Variants in KMT5A observed in about 807,000 individuals in gnomAD.
KMT5A encodes the protein N-lysine methyltransferase KMT5A.
A neutral mutation model predicts 40.6 loss-of-function variants in KMT5A; 6 were observed. The observed-to-expected ratio is 0.15, with a 90% CI of 0.08 to 0.29. KMT5A has a LOEUF of 0.29. Among genes scored for constraint, KMT5A ranks in the 10% least tolerant of loss-of-function variants. The probability of loss-of-function intolerance (pLI) is 1.00; values close to 1 mark genes in which losing one functional copy is unlikely to be tolerated. For synonymous variants in KMT5A, 153 were observed against 178.8 expected, an observed-to-expected ratio of 0.86 and a Z score of 1.15; for missense variants, 308 against 459.1, an observed-to-expected ratio of 0.67 and a Z score of 3.01.
chr12:123,391,847 C>T (rs754911126), intron 3 of KMT5A, among the ~76,000 whole-genome samples: 3 of 152,360 alleles, frequency 2.0e-5, no homozygotes, highest in East Asian at 3.9e-4. Context: ...GGCATGACCT[C>T]TGGGGCCGGA....
chr12:123,403,466 T>C, intron 5 of KMT5A, 107 bp from the exon 6 acceptor site: 1 of 1,208,192 alleles, frequency 8.3e-7, no homozygotes, highest in Non-Finnish European at 1.2e-6. Context: ...TGAGGCCGAT[T>C]GTGGCCCGGT....
intron 3 of KMT5A, among the ~76,000 whole-genome samples, chr12:123,393,586 C>T (rs1037816586): frequency 6.6e-6 from 1 of 152,138 alleles, no homozygotes; most frequent in African/African-American, 2.4e-5. Flanking sequence ...CTCACCCAGG[C>T]TGGAGTACAA....
At chr12:123,390,938 G>A in intron 3 of KMT5A, 152 bp downstream of exon 3, 1 of 918,804 alleles carries the variant, frequency 1.1e-6, no homozygotes, top group Non-Finnish European at 1.6e-6. Context: ...CTGAAAGAAT[G>A]GCTTGTCCCA....
At chr12:123,389,360 G>C (rs2139159255) in intron 1 of KMT5A, 73 bp from the exon 2 acceptor site, 1 of 957,598 alleles carries the variant, frequency 1.0e-6, no homozygotes, top group Non-Finnish European at 1.2e-6. Flanking sequence ...CGCCCGGCCC[G>C]GGCGGCCCCG....
rs1388456620 is a variant in KMT5A at position 123,395,086 on chromosome 12, A to G, written c.329A>G (p.Lys110Arg). The G allele has an allele frequency of 1.3e-6, 2 of 1,591,028 alleles. No individual in the cohort carries two copies. Among genetic ancestry groups the G allele is most frequent in the Non-Finnish European group, 1.7e-6 (2 of 1,168,626 alleles). ...GGGAACGCAGTACGGAGCGCCATGA[A>G]GTCCGAGGAACAGAAGATCAAAGAC... Reference protein sequence around the residue: ...NAGNAVRSAMKSEEQKIKDAR... With the variant: ...NAGNAVRSAMRSEEQKIKDAR... The change falls in exon 4 of 8, where the codon AAG becomes AGG. Residue 110 changes from lysine to arginine, a missense_variant. This residue lies in a region of KMT5A where 127 missense variants were observed against 129.8 expected (regional missense o/e 0.98). Coordinates refer to ENST00000402868, the MANE Select transcript of KMT5A (RefSeq NM_020382.7).
chr12:123,389,919 C>A, intron 2 of KMT5A: 1 of 378,392 alleles, frequency 2.6e-6, no homozygotes, highest in South Asian at 2.0e-5. Flanking sequence ...CGCCCTCCTC[C>A]GTCTGTACTT....
chr12:123,391,037 A>G, intron 3 of KMT5A: 1 of 460,992 alleles, frequency 2.2e-6, no homozygotes, highest in Non-Finnish European at 3.9e-6. Flanking sequence ...CTTAGTTGCA[A>G]AAATAACATA....
chr12:123,390,296 A>G, intron 2 of KMT5A: 1 of 382,728 alleles, frequency 2.6e-6, no homozygotes, highest in Non-Finnish European at 5.1e-6. Context: ...TCCTAAAGAT[A>G]GCCTAGCTCT....
chr12:123,398,618 C>T (rs1159074786), intron 5 of KMT5A, among the ~76,000 whole-genome samples: 2 of 152,234 alleles, frequency 1.3e-5, no homozygotes, highest in Admixed American at 6.5e-5. Flanking sequence ...GACCGGGAGC[C>T]GTGCTTTGCC....
chr12:123,397,495 CTT>C (rs909618165), intron 5 of KMT5A, among the ~76,000 whole-genome samples: 1 of 152,142 alleles, frequency 6.6e-6, no homozygotes, highest in African/African-American at 2.4e-5. Flanking sequence ...TATTCTTTCT[CTT>C]TTTCTTTTAA....
Position 123,404,896 on chromosome 12 carries a change from G to A in KMT5A, c.670G>A (p.Asp224Asn), listed in dbSNP as rs756109032. 6 of 1,612,420 alleles carry A rather than the reference G, an allele frequency of 3.7e-6. No individual in the cohort carries two copies. The highest frequency in any genetic ancestry group is 1.3e-5 in the African/African-American group (1 of 74,872). ...TATCACCTGACAGATTGACCTCATC[G>A]ATGGCAAAGGCAGGGGTGTGATTGC... ...KEEGMKIDLI[D>N]GKGRGVIATK... is the part of the protein sequence containing the mutation. The change falls in exon 7 of 8, where the codon GAT (aspartate) becomes AAT (asparagine). Residue 224 changes from aspartate to asparagine, a missense_variant. This residue lies in a region of KMT5A where 77 missense variants were observed against 220.0 expected (regional missense o/e 0.35). Coordinates refer to ENST00000402868, the MANE Select transcript of KMT5A (RefSeq NM_020382.7).
Position 123,389,437 on chromosome 12 carries a change from G to A in KMT5A, c.15G>A (p.Arg5=). The A allele has an allele frequency of 1.9e-6, 2 of 1,079,046 alleles. No individual in the cohort carries two copies. Among genetic ancestry groups the A allele is most frequent in the Non-Finnish European group, 2.2e-6 (2 of 894,390 alleles). 66.8% of individuals were successfully genotyped at this position (1,079,046 alleles called of 1,614,324 possible). The part of the protein sequence containing the change: MARG[R]KMSKPRAVEA... ...CCCCCGGGTCCCCTTCTCCAGGCAG[G>A]AAGATGTCCAAGCCCCGCGCGGTGG... Residue 5 remains arginine (R), a synonymous_variant, in exon 2 of 8, where the codon AGG becomes AGA. Transcript: ENST00000402868.
chr12:123,401,229 A>G (rs1364825246), intron 5 of KMT5A, among the ~76,000 whole-genome samples: 1 of 137,454 alleles, frequency 7.3e-6, no homozygotes, highest in African/African-American at 2.8e-5. Flanking sequence ...GCTCACTGCA[A>G]GCTCCGCCTC....
At chr12:123,396,184 G>T (rs1877706067) in intron 4 of KMT5A, among the ~76,000 whole-genome samples, 161 bp from the exon 5 acceptor site, 1 of 152,178 alleles carries the variant, frequency 6.6e-6, no homozygotes, top group Admixed American at 6.5e-5. Flanking sequence ...GCCCTCATGG[G>T]CAGGTGACTG....
At position 123,393,761 on chromosome 12, in the gene KMT5A, C is replaced by T. The variant is rs563960292; in HGVS notation, c.290-1286C>T. ...TTTACCATCTTGGCCAGGCTGGTCT[C>T]GAACTCTTGACCTCAGGGGAGCCAC... On this transcript the variant is annotated intron_variant, in intron 3 of 7. Coordinates refer to ENST00000402868, the MANE Select transcript of KMT5A (RefSeq NM_020382.7). 3.9e-5 allele frequency among the ~76,000 whole-genome samples: 6 copies of T among 152,080 alleles called. No individual in the cohort carries two copies. The South Asian group carries it at 8.3e-4, about 21-fold the overall frequency.
In KMT5A at chr12:123,392,083, A is replaced by G. The variant is rs1313337687; in HGVS notation, c.289+1297A>G. On this transcript the variant is annotated intron_variant, in intron 3 of 7. Transcript: ENST00000402868. ...GGGAGAGAGGAGTCTGACCTCACAC[A>G]CACAGGACTGTTTTGAAGGGTGGTT... 2.0e-5 allele frequency among the ~76,000 whole-genome samples: 3 copies of G among 152,288 alleles called. No homozygotes were observed. The East Asian group carries it at 5.8e-4, about 29-fold the overall frequency.
chr12:123,386,946 C>T, intron 1 of KMT5A, among the ~76,000 whole-genome samples: 1 of 151,920 alleles, frequency 6.6e-6, no homozygotes, highest in East Asian at 1.9e-4. Context: ...AACTCCACCC[C>T]CCTGGGTTCA....
chr12:123,401,288 A>G (rs1878145071), intron 5 of KMT5A, among the ~76,000 whole-genome samples: 1 of 150,222 alleles, frequency 6.7e-6, no homozygotes, highest in Non-Finnish European at 1.5e-5. Flanking sequence ...AGCTGGGACT[A>G]CAGGTGCCCA....
At chr12:123,394,512 G>A (rs1278201520) in intron 3 of KMT5A, among the ~76,000 whole-genome samples, 1 of 152,158 alleles carries the variant, frequency 6.6e-6, no homozygotes, top group East Asian at 1.9e-4. Flanking sequence ...TGTGTCTCCC[G>A]ATACCCAGGC....
Sources: gnomAD v4.1 joint callset for allele counts (sites outside exome capture counted in the v4.1 genomes callset) on GRCh38, gnomAD v4.1.1 for gene constraint, gnomAD v4.1.1 regional missense constraint, MANE v1.5 for transcripts, NCBI Gene and HGNC (gene_info 2026-07-23, HGNC 2026-07-21) for gene names.